The following MACROD2 variants were observed in gnomAD, a reference collection of about 807,000 sequenced individuals.
MACROD2 encodes mono-ADP ribosylhydrolase 2.
In MACROD2, 36 loss-of-function variants were observed where a neutral mutation model predicts 70.4. The ratio of observed to expected loss-of-function variants is 0.51; its 90% CI spans 0.39 to 0.68. MACROD2 has a LOEUF of 0.68. MACROD2 is among the 30% of genes least tolerant of loss of function. The pLI is 0.00. For missense variants in MACROD2, 496 were observed against 538.4 expected (o/e 0.92, Z 0.78); for synonymous variants, 172 against 178.8 (o/e 0.96, Z 0.30).
At chr20:15,605,453 C>CGTGT (rs57584580) in intron 8 of MACROD2, among the ~76,000 whole-genome samples, 23,235 of 141,650 alleles carry the variant, frequency 0.16, 1,881 homozygotes, top group Middle Eastern at 0.2. Context: ...AGGATGTAAG[C>CGTGT]GTGTGTGTGT....
intron 8 of MACROD2, among the ~76,000 whole-genome samples, chr20:15,560,762 CAAAAAA>C (rs71190190): frequency 2.9e-3 from 64 of 22,076 alleles, no homozygotes; most frequent in African/African-American, 8.8e-3. Context: ...AACAAAGTCT[CAAAAAA>C]AAAAAAAAAA....
intron 8 of MACROD2, among the ~76,000 whole-genome samples, chr20:15,567,103 T>TA (rs2048320683): frequency 6.6e-6 from 1 of 151,688 alleles, no homozygotes; most frequent in Non-Finnish European, 1.5e-5. Flanking sequence ...ATTGTGGGGT[T>TA]TTTTTTTTCA....
intron 3 of MACROD2, among the ~76,000 whole-genome samples, chr20:14,336,878 G>A (rs187558809): frequency 6.6e-6 from 1 of 152,314 alleles, no homozygotes; most frequent in Non-Finnish European, 1.5e-5. Flanking sequence ...TTAAAATCTA[G>A]GTGTAGCTGT....
At chr20:14,923,800 G>A (rs1478311748) in intron 5 of MACROD2, among the ~76,000 whole-genome samples, 2 of 138,732 alleles carry the variant, frequency 1.4e-5, no homozygotes, top group Admixed American at 1.4e-4. Context: ...GGGGGAGGGG[G>A]GGGCGGCGGG....
intron 8 of MACROD2, among the ~76,000 whole-genome samples, chr20:15,859,261 G>A (rs547236093): frequency 5.3e-4 from 80 of 152,178 alleles, no homozygotes; most frequent in African/African-American, 1.8e-3. Context: ...GGTGGTAGAG[G>A]TGGAGGAAGT....
At chr20:14,794,059 A>T (rs1007862450) in intron 5 of MACROD2, among the ~76,000 whole-genome samples, 4 of 151,990 alleles carry the variant, frequency 2.6e-5, no homozygotes, top group African/African-American at 9.7e-5. Flanking sequence ...ATAGAAAGGG[A>T]TTGGGGCTTA....
chr20:15,234,013 T>TA (rs1568657569), intron 6 of MACROD2, among the ~76,000 whole-genome samples: 21 of 8,678 alleles, frequency 2.4e-3, no homozygotes, highest in African/African-American at 3.0e-3. Flanking sequence ...ATATATATTC[T>TA]TTTTTTTTTT....
intron 8 of MACROD2, among the ~76,000 whole-genome samples, chr20:15,608,255 C>T (rs1262176790): frequency 6.6e-6 from 1 of 152,236 alleles, no homozygotes; most frequent in Non-Finnish European, 1.5e-5. Context: ...TGCACTCTCT[C>T]CCTGTCACCT....
chr20:15,662,648 G>A (rs997707903), intron 8 of MACROD2, among the ~76,000 whole-genome samples: 3 of 151,448 alleles, frequency 2.0e-5, no homozygotes. Flanking sequence ...AAGTTTGAAA[G>A]TGAGAATCAT....
intron 6 of MACROD2, among the ~76,000 whole-genome samples, chr20:15,396,856 G>A (rs964634566): frequency 1.3e-5 from 2 of 152,082 alleles, no homozygotes; most frequent in African/African-American, 4.8e-5. Flanking sequence ...ACACCTCATT[G>A]CCCCTCATTC....
chr20:14,447,976 A>ATGTGTGTG (rs11087090), intron 3 of MACROD2, among the ~76,000 whole-genome samples: 6,522 of 143,162 alleles, frequency 0.046, 220 homozygotes, highest in Non-Finnish European at 0.061. Context: ...ACCCATGAAA[A>ATGTGTGTG]TGTGTGTGTG....
intron 8 of MACROD2, among the ~76,000 whole-genome samples, chr20:15,681,653 G>T (rs73614425): frequency 1.3e-5 from 2 of 152,240 alleles, no homozygotes; most frequent in East Asian, 3.9e-4. Context: ...GTAGTTTGCA[G>T]GTGTTATATC....
chr20:15,047,108 A>AT (rs1319394365), intron 5 of MACROD2, among the ~76,000 whole-genome samples: 2 of 152,212 alleles, frequency 1.3e-5, no homozygotes, highest in Admixed American at 6.5e-5. Flanking sequence ...ATTTAATGTA[A>AT]TTGATGTCTC....
intron 3 of MACROD2, chr20:14,128,103 G>T (rs1408495876): frequency 9.2e-6 from 5 of 544,896 alleles, no homozygotes; most frequent in African/African-American, 3.8e-5. Context: ...GGTCATGTGT[G>T]CTTGTTCACC....
At chr20:15,829,109 C>CA (rs140694406) in intron 8 of MACROD2, among the ~76,000 whole-genome samples, 49 of 147,642 alleles carry the variant, frequency 3.3e-4, no homozygotes, top group African/African-American at 1.0e-3. Flanking sequence ...TGATTATTAT[C>CA]GGAAAAAAAA....
chr20:15,720,911 T>C (rs2050778801), intron 8 of MACROD2, among the ~76,000 whole-genome samples: 1 of 152,186 alleles, frequency 6.6e-6, no homozygotes, highest in African/African-American at 2.4e-5. Flanking sequence ...GTTCATTGCA[T>C]AGTTGTTTGA....
intron 8 of MACROD2, among the ~76,000 whole-genome samples, chr20:15,579,537 A>T (rs1275618143): frequency 6.6e-6 from 1 of 152,216 alleles, no homozygotes; most frequent in Non-Finnish European, 1.5e-5. Flanking sequence ...TACAGCTTTA[A>T]CTGCCAAACT....
intron 5 of MACROD2, among the ~76,000 whole-genome samples, chr20:14,969,340 T>A (rs1364792312): frequency 2.7e-5 from 4 of 147,562 alleles, no homozygotes; most frequent in African/African-American, 1.0e-4. Flanking sequence ...TAAAGCAATT[T>A]AAAAGCTATA....
At chr20:15,794,813 C>G (rs533200710) in intron 8 of MACROD2, among the ~76,000 whole-genome samples, 18 of 152,234 alleles carry the variant, frequency 1.2e-4, no homozygotes, top group African/African-American at 3.9e-4. Flanking sequence ...AACTGACATC[C>G]GTAACAGAGA....
Sources: gnomAD v4.1 joint callset for allele counts (sites outside exome capture counted in the v4.1 genomes callset) on GRCh38, gnomAD v4.1.1 for gene constraint, MANE v1.5 for transcripts, NCBI Gene and HGNC (gene_info 2026-07-23, HGNC 2026-07-21) for gene names.